Variants in FLT1 observed in about 807,000 individuals in gnomAD.
The protein encoded by FLT1 is fms related receptor tyrosine kinase 1.
FLT1 carries 49 observed loss-of-function variants against 156.3 expected under a neutral mutation model. The observed-to-expected ratio is 0.31, with a 90% CI of 0.25 to 0.40. The LOEUF (loss-of-function observed/expected upper bound fraction) is 0.40, where lower values mean the gene tolerates loss of function less well. Among genes scored for constraint, FLT1 ranks in the 10% least tolerant of loss-of-function variants. The pLI, the probability that FLT1 is intolerant of heterozygous loss-of-function variation, is 1.00. For missense variants in FLT1, 1,322 were observed against 1,637.2 expected, an observed-to-expected ratio of 0.81 and a Z score of 3.32; for synonymous variants, 594 against 583.8, an observed-to-expected ratio of 1.02 and a Z score of -0.25.
At chr13:28,415,176 T>C (rs1280475131) in intron 10 of FLT1, among the ~76,000 whole-genome samples, 1 of 152,170 alleles carries the variant, frequency 6.6e-6, no homozygotes, top group African/African-American at 2.4e-5. Flanking sequence ...AAATATTGGC[T>C]TGTCAATAAT....
At chr13:28,371,447 C>T (rs1485297745) in intron 14 of FLT1, among the ~76,000 whole-genome samples, 8 of 152,088 alleles carry the variant, frequency 5.3e-5, no homozygotes, top group East Asian at 3.9e-4. Context: ...CCCTTTGTCC[C>T]GCACGCATCT....
intron 16 of FLT1, among the ~76,000 whole-genome samples, chr13:28,344,042 G>A (rs2138857494): frequency 6.7e-6 from 1 of 150,130 alleles, no homozygotes; most frequent in African/African-American, 2.4e-5. Context: ...TCTCACAGTA[G>A]CCAAAATAAT....
chr13:28,397,192 G>T (rs1875101018), intron 11 of FLT1, 124 bp from the exon 12 acceptor site: 3 of 686,884 alleles, frequency 4.4e-6, no homozygotes, highest in South Asian at 1.6e-5. Flanking sequence ...TATTGCATAG[G>T]TGGTGGTTAC....
chr13:28,364,524 G>C (rs1873218184), intron 14 of FLT1, among the ~76,000 whole-genome samples: 1 of 152,076 alleles, frequency 6.6e-6, no homozygotes. Context: ...CATAAAATCT[G>C]TTTAAGAGAT....
chr13:28,434,285 A>G lies in FLT1; in HGVS notation c.514-65T>C, dbSNP rs1481437433. The stretch of plus-strand genomic sequence containing the variant: ...CACTGGTTGGCAATACTGTTTCACC[A>G]GCAGTTTGTGAAAACATGATTTTTC... On this transcript the variant is annotated intron_variant, in intron 4 of 29. Coordinates refer to ENST00000282397, the MANE Select transcript of FLT1 (RefSeq NM_002019.4). 2.8e-6 allele frequency: 4 copies of G among 1,451,210 alleles called. No individual in the cohort carries two copies. The Admixed American group carries it at 6.9e-5, about 25-fold the overall frequency. 89.9% of individuals were successfully genotyped at this position (1,451,210 alleles called of 1,614,324 possible).
At chr13:28,475,821 G>C (rs1285230854) in intron 1 of FLT1, among the ~76,000 whole-genome samples, 3 of 152,064 alleles carry the variant, frequency 2.0e-5, no homozygotes, top group East Asian at 3.8e-4. Flanking sequence ...ACATTAAATG[G>C]AGACTACACT....
In FLT1 at chr13:28,326,526, T is replaced by C. The variant is rs1047521672; in HGVS notation, c.2796+936A>G. ...TTCAATAATCTCTCTCTCTCTTTTT[T>C]TTTTTTTTTTTTTTTTTGAGACGGA... On this transcript the variant is annotated intron_variant, in intron 20 of 29. Coordinates refer to ENST00000282397, the MANE Select transcript of FLT1 (RefSeq NM_002019.4). Among the ~76,000 whole-genome samples the C allele has an allele frequency of 7.6e-3, 1,082 of 142,812 alleles. 11 individuals are homozygous for C. The highest frequency in any genetic ancestry group is 0.027 in the African/African-American group (1,012 of 37,982). 93.7% of individuals were successfully genotyped at this position (142,812 alleles called of 152,430 possible). A position where few individuals can be genotyped will look rare whatever the true frequency, so the allele number is the denominator to read the frequency against.
At chr13:28,424,583 C>T (rs73453282) in intron 10 of FLT1, among the ~76,000 whole-genome samples, 165 of 152,256 alleles carry the variant, frequency 1.1e-3, no homozygotes, top group African/African-American at 3.8e-3. Context: ...ATAGTAGATA[C>T]ATTAACTGTC....
chr13:28,323,273 CA>C (rs1253434864), intron 20 of FLT1, among the ~76,000 whole-genome samples: 1 of 151,964 alleles, frequency 6.6e-6, no homozygotes, highest in Non-Finnish European at 1.5e-5. Context: ...TTAGTGTTTC[CA>C]ACAATTTTAC....
chr13:28,320,198 G>A (rs986727488), intron 23 of FLT1, among the ~76,000 whole-genome samples: 16 of 152,138 alleles, frequency 1.1e-4, no homozygotes, highest in African/African-American at 3.9e-4. Flanking sequence ...AAGTGGGAGG[G>A]GCAGGGAGGC....
intron 1 of FLT1, among the ~76,000 whole-genome samples, chr13:28,472,260 T>A (rs546227394): frequency 1.3e-5 from 2 of 152,218 alleles, no homozygotes; most frequent in African/African-American, 4.8e-5. Context: ...TTTGACTTCA[T>A]TGGGAAGAGT....
In FLT1 at chr13:28,321,565, T is replaced by C. The variant is rs2296191; in HGVS notation, c.3072A>G (p.Ala1024=). The C allele has an allele frequency of 1.0e-4, 163 of 1,614,226 alleles. 1 individual carries two copies. In the East Asian group the frequency reaches 3.4e-3, roughly 34 times the overall value. ...TCTCAGATAAAAGAATGTTTCTCGCTGCCAGGTCCCGATGAATGCACTATA... is the reference window on the plus strand; with the variant it reads ...TCTCAGATAAAAGAATGTTTCTCGCCGCCAGGTCCCGATGAATGCACTATA... The part of the protein sequence containing the change: ...SSRKCIHRDL[A]ARNILLSENN... The change falls in exon 23 of 30, where the codon GCA becomes GCG. Residue 1024 remains alanine (A), a synonymous_variant. Transcript: ENST00000282397.
rs559171721 is a variant in FLT1, at chr13:28,320,361, C to T, written c.3175-827G>A. 4.6e-5 allele frequency among the ~76,000 whole-genome samples: 7 copies of T among 152,264 alleles called. No homozygotes were observed. The East Asian group carries it at 1.2e-3, about 25-fold the overall frequency. On this transcript the variant is annotated intron_variant, in intron 23 of 29. Coordinates refer to ENST00000282397, the MANE Select transcript of FLT1 (RefSeq NM_002019.4). ...CAATGTGAAGTCATATGTTTTCCTT[C>T]TATACAACAGATTCTGGTGCAGTGG... is the stretch of plus-strand genomic sequence containing the variant.
chr13:28,409,062 C>T (rs1358089361), intron 10 of FLT1, among the ~76,000 whole-genome samples: 1 of 152,202 alleles, frequency 6.6e-6, no homozygotes, highest in African/African-American at 2.4e-5. Context: ...TGTGATATGT[C>T]AGCCTTCTAC....
chr13:28,362,948 A>G (rs1425164058), intron 14 of FLT1, among the ~76,000 whole-genome samples: 5 of 152,224 alleles, frequency 3.3e-5, no homozygotes, highest in African/African-American at 1.2e-4. Flanking sequence ...CCCATCAGAT[A>G]GGCCACTCAG....
Position 28,417,455 on chromosome 13 carries a change from C to T in FLT1, c.1436+9704G>A, listed in dbSNP as rs565697720. On this transcript the variant is annotated intron_variant, in intron 10 of 29. Coordinates refer to ENST00000282397, the MANE Select transcript of FLT1 (RefSeq NM_002019.4). ...ACATTCACCATCTACCACCCATGGT[C>T]GGCTCGTTTGGCCAGATTATAAGCA... 1.1e-4 allele frequency among the ~76,000 whole-genome samples: 16 copies of T among 152,216 alleles called. 1 individual carries two copies. Among genetic ancestry groups the T allele is most frequent in the Non-Finnish European group, 2.9e-5 (2 of 68,008 alleles).
chr13:28,413,042 T>C (rs1373162741), intron 10 of FLT1, among the ~76,000 whole-genome samples: 2 of 152,092 alleles, frequency 1.3e-5, no homozygotes, highest in Admixed American at 6.5e-5. Flanking sequence ...GACTTTCTTG[T>C]GCAGTGAGAG....
intron 14 of FLT1, among the ~76,000 whole-genome samples, chr13:28,371,385 C>G (rs956593204): frequency 6.6e-6 from 1 of 152,122 alleles, no homozygotes; most frequent in Admixed American, 6.6e-5. Flanking sequence ...TTCTGAGAAG[C>G]ATGATGAAGT....
At chr13:28,409,405 G>A (rs1876006585) in intron 10 of FLT1, among the ~76,000 whole-genome samples, 1 of 150,862 alleles carries the variant, frequency 6.6e-6, no homozygotes, top group African/African-American at 2.4e-5. Context: ...AGCAATCTTG[G>A]CTTATTACAG....
Sources: allele counts gnomAD v4.1 joint callset (sites outside exome capture counted in the v4.1 genomes callset), GRCh38; gene constraint gnomAD v4.1.1; transcripts MANE v1.5; gene names NCBI Gene and HGNC (gene_info 2026-07-23, HGNC 2026-07-21).